The following IQGAP3 variants were observed in gnomAD, a reference collection of about 807,000 sequenced individuals.
IQGAP3 encodes ras GTPase-activating-like protein IQGAP3.
In IQGAP3, 165 loss-of-function variants were observed where a neutral mutation model predicts 208.2. That is an observed-to-expected ratio of 0.79 (90% CI 0.70 to 0.90). The LOEUF is 0.90. Ranked by LOEUF, IQGAP3 falls within the 40% of genes least tolerant of loss-of-function variation. The pLI is 0.00. For missense variants in IQGAP3, 1,811 were observed against 2,043.1 expected (o/e 0.89, Z 2.19); for synonymous variants, 703 against 803.6 (o/e 0.87, Z 2.12).
chr1:156,534,700 T>G lies in IQGAP3; in HGVS notation c.3541A>C (p.Asn1181His). The stretch of plus-strand genomic sequence containing the variant: ...GCGTCAGGAGCCACCACAGCTGGGT[T>G]CAGGAAGCGGTAGTACAGGAGGTTC... ...VGNLLYYRFL[N>H]PAVVAPDAFD... The change falls in exon 29 of 38, where the codon AAC becomes CAC. Residue 1181 changes from asparagine (N) to histidine (H), a missense_variant. Physicochemically the swap from Asn to His is moderately conservative, Grantham distance 68 (BLOSUM62 1). Coordinates refer to ENST00000361170, the MANE Select transcript of IQGAP3 (RefSeq NM_178229.5). 1 of 1,605,066 alleles carries G rather than the reference T, an allele frequency of 6.2e-7. No individual in the cohort carries two copies. The highest frequency in any genetic ancestry group is 8.5e-7 in the Non-Finnish European group (1 of 1,176,660).
intron 34 of IQGAP3, among the ~76,000 whole-genome samples, chr1:156,529,669 C>T (rs370520715): frequency 1.3e-5 from 2 of 152,050 alleles, no homozygotes; most frequent in South Asian, 4.2e-4. Flanking sequence ...ACCTGTAATC[C>T]CAGCATTTTG....
rs1340643059 is a variant in IQGAP3, at chr1:156,561,757, C to T, written c.1041+81G>A. The T allele has an allele frequency of 2.2e-6, 3 of 1,372,704 alleles. No individual in the cohort carries two copies. In the Admixed American group the frequency reaches 5.6e-5, roughly 26 times the overall value. The allele number at this position is 1,372,704 out of a possible 1,614,324, so 85.0% of individuals were successfully genotyped here. ...GCACTTACAGAATACAAAGGACCAA[C>T]AGTGGTGATCTTTGAGTAAGAGGCC... On this transcript the variant is annotated intron_variant, in intron 10 of 37. Transcript: ENST00000361170.
intron 29 of IQGAP3, 143 bp from the exon 30 acceptor site, chr1:156,534,284 C>A: frequency 7.7e-7 from 1 of 1,303,022 alleles, no homozygotes. Context: ...TCTGTCCTGC[C>A]CTACCTCTGT....
chr1:156,534,018 G>A lies in IQGAP3; in HGVS notation c.3864C>T (p.Asn1288=). The A allele has an allele frequency of 6.2e-7, 1 of 1,613,720 alleles. No homozygotes were observed. The highest frequency in any genetic ancestry group is 2.2e-5 in the East Asian group (1 of 44,886). ...GATCTCAGCCCCTCACCCTGTGCGTGTTGACCAGCTCCCCCACGGTGATGT... is the reference window on the plus strand; with the variant it reads ...GATCTCAGCCCCTCACCCTGTGCGTATTGACCAGCTCCCCCACGGTGATGT... The part of the protein sequence containing the change: ...MVYITVGELV[N]THRLLLEHQD... The change falls in exon 30 of 38, where the codon AAC becomes AAT. Residue 1288 remains asparagine, a synonymous_variant. Coordinates refer to ENST00000361170, the MANE Select transcript of IQGAP3 (RefSeq NM_178229.5).
At chr1:156,550,201 T>G (rs1450338215) in intron 16 of IQGAP3, 60 bp downstream of exon 16, 1 of 1,197,634 alleles carries the variant, frequency 8.3e-7, no homozygotes, top group Non-Finnish European at 1.2e-6. Flanking sequence ...TTATCTGGGC[T>G]GCTGCTGAGC....
chr1:156,564,698 G>T lies in IQGAP3; in HGVS notation c.361-7C>A. 6.2e-7 allele frequency: 1 copy of T among 1,610,254 alleles called. No individual in the cohort carries two copies. Among genetic ancestry groups the T allele is most frequent in the Non-Finnish European group, 8.5e-7 (1 of 1,176,726 alleles). On this transcript the variant is annotated splice_polypyrimidine_tract_variant and splice_region_variant and intron_variant, in intron 4 of 37. Coordinates refer to ENST00000361170, the MANE Select transcript of IQGAP3 (RefSeq NM_178229.5). Reference sequence around the variant, plus strand: ...TGGTCTCTGGGAAGAAGGTCTAGAGGAGAAACCAGCCAGTTACTGCCATTG... The same window carrying T: ...TGGTCTCTGGGAAGAAGGTCTAGAGTAGAAACCAGCCAGTTACTGCCATTG...
chr1:156,552,854 G>A (rs1675620208), intron 13 of IQGAP3, among the ~76,000 whole-genome samples: 1 of 152,212 alleles, frequency 6.6e-6, no homozygotes, highest in African/African-American at 2.4e-5. Context: ...TGGGAGGACA[G>A]TTTGAGCCCA....
In IQGAP3 at chr1:156,564,667, T is replaced by TGTCCG; in HGVS notation, c.380_384dup (p.Ile129ArgfsTer12). ...CGGGGCATGTTCTTTTTGTCATAGA[T>TGTCCG]GTCCGTGGTCTCTGGGAAGAAGGTC... On this transcript the variant is annotated frameshift_variant, in exon 5 of 38. Coordinates refer to ENST00000361170, the MANE Select transcript of IQGAP3 (RefSeq NM_178229.5). LOFTEE classifies it high-confidence loss of function. The TGTCCG allele has an allele frequency of 6.2e-7, 1 of 1,613,948 alleles. No individual in the cohort carries two copies. Among genetic ancestry groups the TGTCCG allele is most frequent in the Non-Finnish European group, 8.5e-7 (1 of 1,179,870 alleles).
chr1:156,550,202 G>A (rs1675479393), intron 16 of IQGAP3, 59 bp downstream of exon 16: 2 of 1,199,564 alleles, frequency 1.7e-6, no homozygotes, highest in South Asian at 1.2e-5. Context: ...TATCTGGGCT[G>A]CTGCTGAGCC....
rs1408003549 is a variant in IQGAP3 at position 156,544,184 on chromosome 1, A to G, written c.2428T>C (p.Tyr810His). ...WARMWAARRQYLRRLHYFQKN... is the reference protein window; with the variant it reads ...WARMWAARRQHLRRLHYFQKN... ...TGGAAGTAGTGCAGACGCCTCAGGTATTGCCTCCGAGCTGCCCACATCCGG... is the reference window on the plus strand; with the variant it reads ...TGGAAGTAGTGCAGACGCCTCAGGTGTTGCCTCCGAGCTGCCCACATCCGG... The change falls in exon 21 of 38, where the codon TAC (tyrosine) becomes CAC (histidine). Residue 810 changes from tyrosine (Y) to histidine (H), a missense_variant. Physicochemically the swap from Tyr to His is moderately conservative, Grantham distance 83. Coordinates refer to ENST00000361170, the MANE Select transcript of IQGAP3 (RefSeq NM_178229.5). 5 of 1,614,140 alleles carry G rather than the reference A, an allele frequency of 3.1e-6. No homozygotes were observed. Among genetic ancestry groups the G allele is most frequent in the Non-Finnish European group, 3.4e-6 (4 of 1,180,014 alleles).
At chr1:156,535,108 G>A in intron 28 of IQGAP3, 55 bp downstream of exon 28, 1 of 1,290,816 alleles carries the variant, frequency 7.7e-7, no homozygotes, top group Non-Finnish European at 1.1e-6. Flanking sequence ...GGGATTGCAG[G>A]TACCAGCAAA....
intron 1 of IQGAP3, among the ~76,000 whole-genome samples, chr1:156,571,043 G>A (rs187489884): frequency 1.4e-4 from 21 of 152,246 alleles, no homozygotes; most frequent in African/African-American, 4.8e-4. Context: ...GATCACAAAG[G>A]TATCTTCACT....
intron 11 of IQGAP3, among the ~76,000 whole-genome samples, chr1:156,559,754 G>A (rs2102430423): frequency 6.6e-6 from 1 of 152,322 alleles, no homozygotes. Context: ...TGTTTGCTCG[G>A]CTGAATTGGA....
chr1:156,540,872 G>C lies in IQGAP3; in HGVS notation c.2575C>G (p.His859Asp), dbSNP rs1251048210. 1 of 1,614,036 alleles carries C rather than the reference G, an allele frequency of 6.2e-7. No individual in the cohort carries two copies. The highest frequency in any genetic ancestry group is 2.2e-5 in the East Asian group (1 of 44,856). Residue 859 changes from histidine (H) to aspartate (D), a missense_variant, in exon 23 of 38, where the codon CAT (histidine) becomes GAT (aspartate). Physicochemically the swap from His to Asp is moderately conservative, Grantham distance 81. Coordinates refer to ENST00000361170, the MANE Select transcript of IQGAP3 (RefSeq NM_178229.5). The stretch of plus-strand genomic sequence containing the variant: ...TCTTGCTGGCTTTGATTCAAGAGAT[G>C]GGCAAATCTGCGTACCACACTGAGA... The part of the protein sequence containing the change: ...PPLSVVRRFA[H>D]LLNQSQQDFL...
Position 156,533,058 on chromosome 1 carries a change from A to C in IQGAP3, c.4025T>G (p.Val1342Gly). The change falls in exon 32 of 38, where the codon GTG becomes GGG. Residue 1342 changes from valine (V) to glycine (G), a missense_variant. By Grantham distance (109) the Val-to-Gly change is moderately radical (BLOSUM62 -3). Coordinates refer to ENST00000361170, the MANE Select transcript of IQGAP3 (RefSeq NM_178229.5). ...AAACTTGTTGGTCAGCGTCAGGGAC[A>C]CTTCTAGCTTGCTCAGGTCCGTGTG... ...DGHTDLSKLE[V>G]SLTLTNKFEG... 6.2e-7 allele frequency: 1 copy of C among 1,614,082 alleles called. No homozygotes were observed. The highest frequency in any genetic ancestry group is 1.3e-5 in the African/African-American group (1 of 75,026).
chr1:156,556,729 G>A (rs748069786), intron 11 of IQGAP3, 36 bp from the exon 12 acceptor site: 2 of 1,472,146 alleles, frequency 1.4e-6, no homozygotes, highest in African/African-American at 2.9e-5. Flanking sequence ...GTACTGGCCG[G>A]GCATTCAGTG....
Position 156,548,489 on chromosome 1 carries a change from TAAGCAGAAACCAAGC to T in IQGAP3, c.1994-17_1994-3del. On this transcript the variant is annotated splice_region_variant and splice_polypyrimidine_tract_variant and intron_variant, in intron 17 of 37. Transcript: ENST00000361170. ...GTTGAACCCAGAAAGCTGTGTCTGC[TAAGCAGAAACCAAGC>T]AAGCAGAAAAGGTTCAGAGCAGGCA... 6.2e-7 allele frequency: 1 copy of T among 1,613,108 alleles called. No homozygotes were observed. Among genetic ancestry groups the T allele is most frequent in the Non-Finnish European group, 8.5e-7 (1 of 1,179,408 alleles).
At position 156,539,457 on chromosome 1, in the gene IQGAP3, G is replaced by A. The variant is rs1010074510; in HGVS notation, c.2973C>T (p.Phe991=). ...KTTKFMEAVI[F]SLYNYASSRR... ...GGCTGGAGGCATAGTTGTACAGGCT[G>A]AAAATCACTGCCTCCATGAACTTGG... Residue 991 remains phenylalanine (F), a synonymous_variant, in exon 25 of 38, where the codon TTC becomes TTT. Transcript: ENST00000361170. 1 of 1,614,184 alleles carries A rather than the reference G, an allele frequency of 6.2e-7. No individual in the cohort carries two copies. Among genetic ancestry groups the A allele is most frequent in the Non-Finnish European group, 8.5e-7 (1 of 1,180,012 alleles).
intron 23 of IQGAP3, 140 bp downstream of exon 23, chr1:156,540,568 G>A (rs1460712181): frequency 1.5e-6 from 1 of 671,168 alleles, no homozygotes; most frequent in East Asian, 2.7e-5. Flanking sequence ...ATGGCAGAGG[G>A]CCACTGGAAC....
Sources: allele counts gnomAD v4.1 joint callset (sites outside exome capture counted in the v4.1 genomes callset), GRCh38; gene constraint gnomAD v4.1.1; transcripts MANE v1.5; gene names NCBI Gene and HGNC (gene_info 2026-07-23, HGNC 2026-07-21).